FGD6: variants seen among roughly 807,000 people sequenced by gnomAD.
FGD6 encodes the protein FYVE, RhoGEF and PH domain-containing protein 6.
A neutral mutation model predicts 149.4 loss-of-function variants in FGD6; 90 were observed. The observed-to-expected ratio is 0.60, with a 90% CI of 0.51 to 0.72. FGD6 has a LOEUF of 0.72. Among genes scored for constraint, FGD6 ranks in the 30% least tolerant of loss-of-function variants. The pLI is 0.00. For synonymous variants in FGD6, 527 were observed against 584.0 expected (o/e 0.90, Z 1.41); for missense variants, 1,437 against 1,684.8 (o/e 0.85, Z 2.57).
intron 14 of FGD6, among the ~76,000 whole-genome samples, chr12:95,096,691 A>G (rs1335353128): frequency 6.6e-6 from 1 of 152,118 alleles, no homozygotes; most frequent in African/African-American, 2.4e-5. Flanking sequence ...CACCTTCACC[A>G]TTTACAGGTA....
At chr12:95,130,294 A>G (rs139562051) in intron 8 of FGD6, among the ~76,000 whole-genome samples, 1 of 152,278 alleles carries the variant, frequency 6.6e-6, no homozygotes, top group African/African-American at 2.4e-5. Flanking sequence ...TCATCTATGC[A>G]TATCTCAGTG....
Position 95,210,833 on chromosome 12 carries a change from A to C in FGD6, c.451T>G (p.Leu151Val), listed in dbSNP as rs931739502. The C allele has an allele frequency of 1.2e-6, 2 of 1,611,660 alleles. No homozygotes were observed. The highest frequency in any genetic ancestry group is 1.7e-6 in the Non-Finnish European group (2 of 1,179,546). The change falls in exon 2 of 21, where the codon TTG (leucine) becomes GTG (valine). Residue 151 changes from leucine to valine, a missense_variant. Physicochemically the swap from Leu to Val is conservative, Grantham distance 32 (BLOSUM62 1). Coordinates refer to ENST00000343958, the MANE Select transcript of FGD6 (RefSeq NM_018351.4). The stretch of plus-strand genomic sequence containing the variant: ...CATTTACTCCTAGTTTTTATAGTCA[A>C]AGTCTCATCAATTTTACTGTTTTCT... ...NLENSKIDET[L>V]TIKTRSKCDL...
chr12:95,138,495 G>A (rs1380592365), intron 6 of FGD6, among the ~76,000 whole-genome samples: 1 of 150,216 alleles, frequency 6.7e-6, no homozygotes, highest in Non-Finnish European at 1.5e-5. Flanking sequence ...AGCGAGCCGA[G>A]ATTGTGCCCA....
chr12:95,146,399 A>C (rs1195477340), intron 5 of FGD6, among the ~76,000 whole-genome samples: 1 of 152,212 alleles, frequency 6.6e-6, no homozygotes, highest in African/African-American at 2.4e-5. Context: ...GAGGCAGAAG[A>C]ATCTAAATTC....
chr12:95,158,862 AAATAAT>A (rs59224007), intron 3 of FGD6, among the ~76,000 whole-genome samples: 46 of 150,388 alleles, frequency 3.1e-4, no homozygotes, highest in Middle Eastern at 3.4e-3. Context: ...TCGTTAGTAA[AAATAAT>A]AATAATAATA....
chr12:95,153,024 CAT>C (rs1880355748), intron 3 of FGD6, 31 bp from the exon 4 acceptor site: 1 of 1,590,208 alleles, frequency 6.3e-7, no homozygotes. Flanking sequence ...AACATGAACT[CAT>C]AAAAGAATAA....
intron 5 of FGD6, among the ~76,000 whole-genome samples, chr12:95,149,884 C>T (rs1275763361): frequency 6.9e-6 from 1 of 145,268 alleles, no homozygotes; most frequent in Non-Finnish European, 1.5e-5. Flanking sequence ...GATTGCTATA[C>T]TACATATCAC....
intron 2 of FGD6, among the ~76,000 whole-genome samples, chr12:95,186,222 CTTCTTCTTTTTTTTTT>C (rs1881425542): frequency 9.7e-5 from 1 of 10,300 alleles, no homozygotes; most frequent in Non-Finnish European, 1.5e-4. Context: ...TTCTTATATT[CTTCTTCTTTTTTTTTT>C]TTTTTTTTTT....
intron 14 of FGD6, among the ~76,000 whole-genome samples, chr12:95,095,064 T>G (rs1399547776): frequency 1.3e-5 from 2 of 152,210 alleles, no homozygotes; most frequent in African/African-American, 4.8e-5. Flanking sequence ...TCCTAGAATT[T>G]AAAAACATTC....
Position 95,190,099 on chromosome 12 carries a change from G to A in FGD6, c.2442-17355C>T, listed in dbSNP as rs1487997671. 4.6e-5 allele frequency among the ~76,000 whole-genome samples: 7 copies of A among 152,206 alleles called. No individual in the cohort carries two copies. In the East Asian group the frequency reaches 1.3e-3, roughly 29 times the overall value. On this transcript the variant is annotated intron_variant, in intron 2 of 20. Coordinates refer to ENST00000343958, the MANE Select transcript of FGD6 (RefSeq NM_018351.4). The stretch of plus-strand genomic sequence containing the variant: ...CAGTTTGTCTTTACAAATCCTTTAA[G>A]CATTTTACCTGCCTTCTAACAGCTA...
At chr12:95,211,542 CT>C (rs59361079) in intron 1 of FGD6, among the ~76,000 whole-genome samples, 15,748 of 142,242 alleles carry the variant, frequency 0.11, 1,133 homozygotes, top group African/African-American at 0.23. Flanking sequence ...TCTTTTTCTT[CT>C]TTTTTTTTTT....
chr12:95,114,084 G>A (rs1878928517), intron 8 of FGD6, among the ~76,000 whole-genome samples: 1 of 152,272 alleles, frequency 6.6e-6, no homozygotes, highest in African/African-American at 2.4e-5. Context: ...CACACGTCTA[G>A]TATAAAATTC....
At chr12:95,181,189 T>C (rs1881272886) in intron 2 of FGD6, among the ~76,000 whole-genome samples, 1 of 152,118 alleles carries the variant, frequency 6.6e-6, no homozygotes, top group African/African-American at 2.4e-5. Context: ...AGTAGAGGGA[T>C]GTTCAACAGC....
chr12:95,193,249 G>C (rs973345540), intron 2 of FGD6, among the ~76,000 whole-genome samples: 3 of 152,120 alleles, frequency 2.0e-5, no homozygotes, highest in Non-Finnish European at 4.4e-5. Context: ...AAATGGCCCA[G>C]ATGTCCTTTA....
At chr12:95,175,869 G>A (rs942038061) in intron 2 of FGD6, among the ~76,000 whole-genome samples, 6 of 151,458 alleles carry the variant, frequency 4.0e-5, no homozygotes, top group Non-Finnish European at 7.4e-5. Context: ...GGGTGAGGAG[G>A]AAAAACTTAT....
intron 3 of FGD6, among the ~76,000 whole-genome samples, chr12:95,161,569 T>G (rs965067458): frequency 6.6e-5 from 10 of 152,202 alleles, no homozygotes; most frequent in Non-Finnish European, 1.3e-4. Context: ...TCCAGGCTTG[T>G]AGTCCTCAAA....
At chr12:95,100,754 A>G (rs1271446711) in intron 14 of FGD6, 1 of 507,266 alleles carries the variant, frequency 2.0e-6, no homozygotes, top group Non-Finnish European at 3.9e-6. Flanking sequence ...TGGAGCAAGG[A>G]TATCAATGCT....
At chr12:95,152,384 C>T (rs570681009) in intron 5 of FGD6, among the ~76,000 whole-genome samples, 1 of 152,170 alleles carries the variant, frequency 6.6e-6, no homozygotes, top group East Asian at 1.9e-4. Flanking sequence ...AGAACTAAAA[C>T]TTAGTTGTAA....
At chr12:95,192,419 A>G (rs1171570179) in intron 2 of FGD6, among the ~76,000 whole-genome samples, 1 of 152,234 alleles carries the variant, frequency 6.6e-6, no homozygotes, top group Non-Finnish European at 1.5e-5. Context: ...ATTATACCAT[A>G]AACAGGATAT....
Sources: allele counts gnomAD v4.1 joint callset (sites outside exome capture counted in the v4.1 genomes callset), GRCh38; gene constraint gnomAD v4.1.1; transcripts MANE v1.5; gene names NCBI Gene and HGNC (gene_info 2026-07-23, HGNC 2026-07-21).